FRMD6: variants seen among roughly 807,000 people sequenced by gnomAD.
FRMD6 encodes FERM domain containing 6, also known as FERM domain-containing protein 6.
In FRMD6, 37 loss-of-function variants were observed where a neutral mutation model predicts 73.2. The observed-to-expected ratio is 0.51, with a 90% CI of 0.39 to 0.66. The LOEUF (loss-of-function observed/expected upper bound fraction) is 0.66, where lower values mean the gene tolerates loss of function less well. Ranked by LOEUF, FRMD6 falls within the 30% of genes least tolerant of loss-of-function variation. The pLI is 0.00. For synonymous variants in FRMD6, 273 were observed against 282.2 expected, an observed-to-expected ratio of 0.97 and a Z score of 0.33; for missense variants, 714 against 780.5, an observed-to-expected ratio of 0.91 and a Z score of 1.02.
At chr14:51,708,037 T>A in intron 6 of FRMD6, 41 bp from the exon 7 acceptor site, 1 of 1,602,074 alleles carries the variant, frequency 6.2e-7, no homozygotes, top group Non-Finnish European at 8.5e-7. Context: ...CTTACATCTC[T>A]CCAACAAATG....
At chr14:51,703,761 C>A (rs1353573885) in intron 5 of FRMD6, among the ~76,000 whole-genome samples, 1 of 152,008 alleles carries the variant, frequency 6.6e-6, no homozygotes, top group African/African-American at 2.4e-5. Context: ...TTTTTAAGCT[C>A]TTTCTACTTA....
At chr14:51,611,782 A>G (rs1187218874) in intron 2 of FRMD6, among the ~76,000 whole-genome samples, 1 of 152,218 alleles carries the variant, frequency 6.6e-6, no homozygotes, top group East Asian at 1.9e-4. Flanking sequence ...GCTGGATTTC[A>G]TGCCTTTATA....
At chr14:51,657,389 C>T (rs886970033) in intron 1 of FRMD6, among the ~76,000 whole-genome samples, 1 of 152,154 alleles carries the variant, frequency 6.6e-6, no homozygotes, top group Non-Finnish European at 1.5e-5. Context: ...TCATCTTTGC[C>T]CCCAGGATAA....
intron 2 of FRMD6, among the ~76,000 whole-genome samples, chr14:51,575,458 C>T (rs1888351664): frequency 6.6e-6 from 1 of 152,164 alleles, no homozygotes; most frequent in African/African-American, 2.4e-5. Context: ...TGCAGATGCT[C>T]CTTGGTTGAG....
At chr14:51,635,794 CTT>C (rs1891528426) in intron 2 of FRMD6, among the ~76,000 whole-genome samples, 2 of 152,186 alleles carry the variant, frequency 1.3e-5, no homozygotes, top group African/African-American at 4.8e-5. Flanking sequence ...AAAGTACTCT[CTT>C]AAGTAGAATA....
chr14:51,530,157 A>G (rs1885496657), intron 1 of FRMD6, among the ~76,000 whole-genome samples: 2 of 152,140 alleles, frequency 1.3e-5, no homozygotes, highest in South Asian at 4.1e-4. Context: ...TTTCTTAATT[A>G]TTTTACTGCA....
At chr14:51,506,266 C>CTCTAGCT (rs1174472250) in intron 1 of FRMD6, among the ~76,000 whole-genome samples, 1 of 152,208 alleles carries the variant, frequency 6.6e-6, no homozygotes, top group Non-Finnish European at 1.5e-5. Context: ...GCAAAGCTCT[C>CTCTAGCT]TCTAGCTTCC....
chr14:51,649,163 A>C (rs1051705952), upstream of FRMD6, among the ~76,000 whole-genome samples: 2 of 152,190 alleles, frequency 1.3e-5, no homozygotes, highest in Admixed American at 6.5e-5. Context: ...TTCCCCAATC[A>C]GTCCTTTCAG....
intron 1 of FRMD6, among the ~76,000 whole-genome samples, chr14:51,522,580 G>A (rs1885010935): frequency 6.6e-6 from 1 of 152,152 alleles, no homozygotes; most frequent in Non-Finnish European, 1.5e-5. Flanking sequence ...TCTAGGAAAT[G>A]GAGCATGAAT....
chr14:51,559,540 C>T (rs1054201848), intron 1 of FRMD6, among the ~76,000 whole-genome samples: 10 of 150,732 alleles, frequency 6.6e-5, no homozygotes, highest in African/African-American at 2.4e-4. Context: ...TGAGAGTTTA[C>T]ATCACCAAGC....
chr14:51,689,626 C>T (rs551258973), intron 1 of FRMD6, 65 bp from the exon 2 acceptor site: 1 of 567,114 alleles, frequency 1.8e-6, no homozygotes, highest in South Asian at 2.2e-5. Context: ...TGCTTATCTT[C>T]CTGACGCGCT....
chr14:51,701,021 C>T, intron 3 of FRMD6, 35 bp from the exon 4 acceptor site: 1 of 1,056,068 alleles, frequency 9.5e-7, no homozygotes, highest in Non-Finnish European at 1.3e-6. Context: ...AAAATCCTTT[C>T]TTTAGCATGT....
chr14:51,536,877 C>G (rs1488698743), intron 1 of FRMD6, among the ~76,000 whole-genome samples: 1 of 152,034 alleles, frequency 6.6e-6, no homozygotes, highest in Non-Finnish European at 1.5e-5. Flanking sequence ...TTTAAATAGG[C>G]TTTTTAAAAA....
intron 1 of FRMD6, among the ~76,000 whole-genome samples, chr14:51,511,842 T>C (rs1884329514): frequency 6.6e-6 from 1 of 151,856 alleles, no homozygotes; most frequent in African/African-American, 2.4e-5. Flanking sequence ...AACCTGCATG[T>C]CCTGCACATG....
At chr14:51,695,728 G>A (rs902465445) in intron 2 of FRMD6, among the ~76,000 whole-genome samples, 1 of 152,052 alleles carries the variant, frequency 6.6e-6, no homozygotes, top group Non-Finnish European at 1.5e-5. Flanking sequence ...ATGAGTTCCT[G>A]GTACTTCCAA....
the FRMD6 span, chr14:51,454,943 C>G: frequency 6.6e-6 from 1 of 152,150 alleles, no homozygotes; most frequent in East Asian, 1.9e-4. Context: ...TAGTTTGGTT[C>G]ATTCTAGCGA....
chr14:51,626,783 T>A (rs1356567526), intron 2 of FRMD6, among the ~76,000 whole-genome samples: 3 of 152,206 alleles, frequency 2.0e-5, no homozygotes, highest in Admixed American at 6.5e-5. Context: ...ACGTCTTTTC[T>A]CATCTACAAA....
the FRMD6 span, among the ~76,000 whole-genome samples, chr14:51,458,968 A>T: frequency 2.6e-5 from 4 of 152,212 alleles, no homozygotes; most frequent in African/African-American, 9.7e-5. Flanking sequence ...ATTAGCAGAG[A>T]TGGCAGAGGT....
chr14:51,705,654 A>T (rs1280180214), intron 6 of FRMD6, among the ~76,000 whole-genome samples: 5 of 152,084 alleles, frequency 3.3e-5, no homozygotes. Flanking sequence ...AAGCATCTTG[A>T]AGAGGTAGTG....
Sources: allele counts gnomAD v4.1 joint callset (sites outside exome capture counted in the v4.1 genomes callset), GRCh38; gene constraint gnomAD v4.1.1; transcripts MANE v1.5; gene names NCBI Gene and HGNC (gene_info 2026-07-23, HGNC 2026-07-21).